The following NKAIN3 variants were observed in gnomAD, a reference collection of about 807,000 sequenced individuals.
NKAIN3 encodes the protein sodium/potassium transporting ATPase interacting 3.
NKAIN3 carries 25 observed loss-of-function variants against 30.2 expected under a neutral mutation model. That is an observed-to-expected ratio of 0.83 (90% confidence interval 0.60 to 1.16). The LOEUF (loss-of-function observed/expected upper bound fraction) is 1.16, where lower values mean the gene tolerates loss of function less well. NKAIN3 is among the 50% of genes most tolerant of loss of function. The pLI is 0.00. For missense variants in NKAIN3, 225 were observed against 254.1 expected, an observed-to-expected ratio of 0.89 and a Z score of 0.78; for synonymous variants, 91 against 89.6, an observed-to-expected ratio of 1.02 and a Z score of -0.09.
At chr8:62,523,924 A>G (rs144919783) in intron 1 of NKAIN3, among the ~76,000 whole-genome samples, 1 of 152,160 alleles carries the variant, frequency 6.6e-6, no homozygotes, top group African/African-American at 2.4e-5. Flanking sequence ...GAAGAGGAGG[A>G]TGAATTAGAA....
At chr8:62,857,798 A>G (rs2130783476) in intron 4 of NKAIN3, among the ~76,000 whole-genome samples, 1 of 152,304 alleles carries the variant, frequency 6.6e-6, no homozygotes, top group East Asian at 1.9e-4. Flanking sequence ...CCTTTAGCTC[A>G]GCGAAGTTCA....
Position 62,633,943 on chromosome 8 carries a change from A to G in NKAIN3, c.273+44149A>G, listed in dbSNP as rs558889391. ...GGCAATAAGGGTAGGAGGGTTCAGT[A>G]TTAACTTGTAGATTTTGGACTATCC... On this transcript the variant is annotated intron_variant, in intron 3 of 6. Transcript: ENST00000623646. Among the ~76,000 whole-genome samples, 375 of 152,220 alleles carry G rather than the reference A, an allele frequency of 2.5e-3. 3 individuals carry two copies. Among genetic ancestry groups the G allele is most frequent in the African/African-American group, 8.8e-3 (365 of 41,556 alleles).
At chr8:62,288,097 C>T (rs370438487) in intron 1 of NKAIN3, among the ~76,000 whole-genome samples, 1 of 152,152 alleles carries the variant, frequency 6.6e-6, no homozygotes, top group African/African-American at 2.4e-5. Context: ...ATAAGCCTCT[C>T]CATTTGCCTT....
chr8:62,310,976 GA>G (rs965255112), intron 1 of NKAIN3, among the ~76,000 whole-genome samples: 2 of 150,288 alleles, frequency 1.3e-5, no homozygotes, highest in Admixed American at 1.3e-4. Flanking sequence ...ACTGAGTCAG[GA>G]ACAAATAGTG....
intron 1 of NKAIN3, among the ~76,000 whole-genome samples, chr8:62,337,394 A>G (rs1331328744): frequency 6.6e-6 from 1 of 151,984 alleles, no homozygotes. Context: ...CTTACATTAT[A>G]ATTGGAAACA....
chr8:62,409,314 A>G (rs1222440435), intron 1 of NKAIN3, among the ~76,000 whole-genome samples: 1 of 152,142 alleles, frequency 6.6e-6, no homozygotes, highest in African/African-American at 2.4e-5. Context: ...CCTGCCAAGT[A>G]GCTGGGATTA....
intron 4 of NKAIN3, among the ~76,000 whole-genome samples, chr8:62,750,161 C>A (rs752126076): frequency 6.6e-6 from 1 of 151,922 alleles, no homozygotes; most frequent in East Asian, 1.9e-4. Flanking sequence ...AGGGGCTCGG[C>A]GGCTCTGCTG....
intron 4 of NKAIN3, among the ~76,000 whole-genome samples, chr8:62,902,772 AT>A (rs1321329200): frequency 5.3e-5 from 8 of 152,356 alleles, no homozygotes; most frequent in African/African-American, 1.9e-4. Context: ...AACTAGCCAC[AT>A]AATACCATTG....
intron 1 of NKAIN3, among the ~76,000 whole-genome samples, chr8:62,517,629 G>A (rs1347142382): frequency 6.6e-6 from 1 of 152,128 alleles, no homozygotes; most frequent in Non-Finnish European, 1.5e-5. Flanking sequence ...AGAATGGGAT[G>A]TGGGAGGGCA....
intron 1 of NKAIN3, among the ~76,000 whole-genome samples, chr8:62,261,235 A>G (rs1372912444): frequency 6.6e-6 from 1 of 152,208 alleles, no homozygotes; most frequent in Non-Finnish European, 1.5e-5. Context: ...CGTCTGTAAA[A>G]TTGTTTAAAC....
intron 3 of NKAIN3, among the ~76,000 whole-genome samples, chr8:62,658,668 C>G (rs2130353033): frequency 6.6e-6 from 1 of 152,170 alleles, no homozygotes; most frequent in South Asian, 2.1e-4. Flanking sequence ...TGAAATAGTG[C>G]TGAAATAATT....
intron 1 of NKAIN3, among the ~76,000 whole-genome samples, chr8:62,559,225 T>C (rs1809494795): frequency 3.3e-5 from 5 of 152,044 alleles, no homozygotes; most frequent in Admixed American, 3.3e-4. Context: ...CTTTTTTTTA[T>C]ATTAATATAG....
At chr8:62,992,431 A>AT (rs1824340030) in intron 5 of NKAIN3, among the ~76,000 whole-genome samples, 2 of 151,976 alleles carry the variant, frequency 1.3e-5, no homozygotes, top group South Asian at 4.1e-4. Context: ...TTTACTCCAT[A>AT]TTTTTGAATC....
intron 2 of NKAIN3, among the ~76,000 whole-genome samples, chr8:62,580,434 G>A (rs76132198): frequency 2.0e-5 from 3 of 152,050 alleles, no homozygotes; most frequent in Non-Finnish European, 4.4e-5. Context: ...ATTGTAAGTT[G>A]GAGTAACATA....
At chr8:62,298,572 C>G (rs967650707) in intron 1 of NKAIN3, among the ~76,000 whole-genome samples, 2 of 152,104 alleles carry the variant, frequency 1.3e-5, no homozygotes, top group South Asian at 2.1e-4. Flanking sequence ...GCCACACTGG[C>G]CTTTTTTTCT....
intron 4 of NKAIN3, among the ~76,000 whole-genome samples, chr8:62,857,318 G>A (rs1336953732): frequency 3.9e-5 from 6 of 152,132 alleles, no homozygotes; most frequent in Non-Finnish European, 8.8e-5. Context: ...TGATGATTAT[G>A]TATCTTGGGG....
intron 4 of NKAIN3, among the ~76,000 whole-genome samples, chr8:62,805,598 T>C (rs1265623612): frequency 6.6e-6 from 1 of 152,168 alleles, no homozygotes; most frequent in South Asian, 2.1e-4. Context: ...TGGCTAGCCA[T>C]ATGTAGAAAG....
At chr8:62,986,586 A>G (rs533859870), downstream of NKAIN3, among the ~76,000 whole-genome samples, 14 of 152,166 alleles carry the variant, frequency 9.2e-5, no homozygotes, top group Non-Finnish European at 1.8e-4. Flanking sequence ...CTATGATTTA[A>G]ACTACAGACT....
intron 1 of NKAIN3, among the ~76,000 whole-genome samples, chr8:62,298,786 A>G (rs1315499172): frequency 1.3e-5 from 2 of 151,418 alleles, no homozygotes; most frequent in Admixed American, 1.3e-4. Flanking sequence ...TATCATAACC[A>G]GTAGCTAGCT....
Sources: gnomAD v4.1 joint callset for allele counts (sites outside exome capture counted in the v4.1 genomes callset) on GRCh38, gnomAD v4.1.1 for gene constraint, MANE v1.5 for transcripts, NCBI Gene and HGNC (gene_info 2026-07-23, HGNC 2026-07-21) for gene names.